APOB: variants seen among roughly 807,000 people sequenced by gnomAD.
APOB encodes apolipoprotein B.
In APOB, 153 loss-of-function variants were observed where a neutral mutation model predicts 314.1. That is an observed-to-expected ratio of 0.49 (90% CI 0.43 to 0.56). APOB has a LOEUF of 0.56. Ranked by LOEUF, APOB falls within the 20% of genes least tolerant of loss-of-function variation. APOB has a pLI of 0.00. For missense variants in APOB, 5,430 were observed against 5,350.7 expected (o/e 1.01, Z -0.46); for synonymous variants, 2,087 against 2,036.4 (o/e 1.02, Z -0.67).
At chr2:21,031,986 T>C (rs147163888) in intron 10 of APOB, among the ~76,000 whole-genome samples, 1 of 152,308 alleles carries the variant, frequency 6.6e-6, no homozygotes, top group East Asian at 1.9e-4. Flanking sequence ...TGTTTGCAAT[T>C]TACTTTGAAA....
chr2:21,006,646 C>T lies in APOB; in HGVS notation c.10222G>A (p.Gly3408Ser), dbSNP rs1483982340. ...AAGCTCACAGTACTGTTATGACTAC[C>T]CTCCACAAATTTGTTGCTCAGAGAC... Reference protein sequence around the residue: ...ALSLSNKFVEGSHNSTVSLTT... With the variant: ...ALSLSNKFVESSHNSTVSLTT... Residue 3408 changes from glycine (G) to serine (S), a missense_variant, in exon 26 of 29, where the codon GGT becomes AGT. By Grantham distance (56) the Gly-to-Ser change is moderately conservative. Around this residue, in one of 3 missense-constraint regions of APOB, gnomAD observed 3,281 missense variants for 3,171.0 expected, o/e 1.03. Coordinates refer to ENST00000233242, the MANE Select transcript of APOB (RefSeq NM_000384.3). 6 of 1,614,058 alleles carry T rather than the reference C, an allele frequency of 3.7e-6. No individual in the cohort carries two copies. Among genetic ancestry groups the T allele is most frequent in the South Asian group, 1.1e-5 (1 of 91,080 alleles).
chr2:21,038,330 T>G (rs968499900), intron 4 of APOB, among the ~76,000 whole-genome samples: 1 of 152,166 alleles, frequency 6.6e-6, no homozygotes, highest in Non-Finnish European at 1.5e-5. Flanking sequence ...TTTTTTCTTT[T>G]TTTCTTTTTT....
chr2:21,042,356 C>A lies in APOB; in HGVS notation c.237+5G>T. ...CTAGGTCCCTCCTGCCTGCATCCTC[C>A]ATACCTTGCAGTTGATCCTGGTGGC... On this transcript the variant is annotated splice_donor_5th_base_variant and intron_variant, in intron 3 of 28. Transcript: ENST00000233242. 1 of 1,610,026 alleles carries A rather than the reference C, an allele frequency of 6.2e-7. No homozygotes were observed. Among genetic ancestry groups the A allele is most frequent in the South Asian group, 1.1e-5 (1 of 90,990 alleles).
Position 21,002,144 on chromosome 2 carries a change from A to G in APOB, c.13278T>C (p.Ile4426=), listed in dbSNP as rs375466407. The G allele has an allele frequency of 7.4e-6, 12 of 1,613,864 alleles. No homozygotes were observed. The African/African-American group carries it at 1.6e-4, about 22-fold the overall frequency. ...GGGAAGTAAAGTTAGAGGCACTGAC[A>G]ATATATTCAGAATGGAAGTCCTTAA... ...VALKDFHSEY[I]VSASNFTSQL... is the part of the protein sequence containing the mutation. The change falls in exon 29 of 29, where the codon ATT becomes ATC. Residue 4426 remains isoleucine (I), a synonymous_variant. Coordinates refer to ENST00000233242, the MANE Select transcript of APOB (RefSeq NM_000384.3).
Position 21,009,793 on chromosome 2 carries a change from C to G in APOB, c.7075G>C (p.Asp2359His). 1 of 1,613,974 alleles carries G rather than the reference C, an allele frequency of 6.2e-7. No individual in the cohort carries two copies. The highest frequency in any genetic ancestry group is 1.1e-5 in the South Asian group (1 of 91,068). Residue 2359 changes from aspartate to histidine, a missense_variant, in exon 26 of 29, where the codon GAT (aspartate) becomes CAT (histidine). Physicochemically the swap from Asp to His is moderately conservative, Grantham distance 81. Around this residue, in one of 3 missense-constraint regions of APOB, gnomAD observed 3,281 missense variants for 3,171.0 expected, o/e 1.03. Transcript: ENST00000233242. Reference protein sequence around the residue: ...EVDQQIQVLMDKLVELAHQYK... With the variant: ...EVDQQIQVLMHKLVELAHQYK... ...TGGTGGGCCAACTCTACTAATTTAT[C>G]CATTAAAACCTGGATTTGTTGGTCT...
intron 3 of APOB, among the ~76,000 whole-genome samples, chr2:21,042,147 C>A (rs1207004839): frequency 3.9e-5 from 6 of 152,148 alleles, no homozygotes; most frequent in Admixed American, 6.5e-5. Context: ...TTCTGACTTG[C>A]GAAATTTGGT....
intron 16 of APOB, chr2:21,024,136 T>A (rs1470554770): frequency 2.6e-5 from 4 of 153,236 alleles, no homozygotes; most frequent in African/African-American, 7.2e-5. Context: ...TTTTATTTTT[T>A]AAATAATATT....
chr2:21,043,436 G>T, intron 2 of APOB, 77 bp downstream of exon 2: 1 of 1,505,862 alleles, frequency 6.6e-7, no homozygotes, highest in Non-Finnish European at 9.1e-7. Context: ...TGTAGAGTGG[G>T]AGGCCCTCAG....
chr2:21,025,239 T>C, intron 15 of APOB, 115 bp from the exon 16 acceptor site: 1 of 1,009,830 alleles, frequency 9.9e-7, no homozygotes, highest in Non-Finnish European at 1.5e-6. Flanking sequence ...ATGCTCCAGG[T>C]GAGGAACAGG....
Position 21,028,438 on chromosome 2 carries a change from T to C in APOB, c.1718A>G (p.Asp573Gly). ...TAGAATTTGGACAATTTTGTTAATA[T>C]CTGCCTGTGAAGGACTCCTCATCAA... ...LMLMRSPSQA[D>G]INKIVQILPW... The change falls in exon 13 of 29, where the codon GAT becomes GGT. Residue 573 changes from aspartate (D) to glycine (G), a missense_variant. Around this residue, in one of 3 missense-constraint regions of APOB, gnomAD observed 2,085 missense variants for 2,079.7 expected, o/e 1.00. Coordinates refer to ENST00000233242, the MANE Select transcript of APOB (RefSeq NM_000384.3). 1 of 1,614,112 alleles carries C rather than the reference T, an allele frequency of 6.2e-7. No individual in the cohort carries two copies.
intron 15 of APOB, among the ~76,000 whole-genome samples, chr2:21,026,469 C>T (rs548439011): frequency 3.9e-4 from 59 of 152,058 alleles, no homozygotes; most frequent in Non-Finnish European, 7.8e-4. Flanking sequence ...AGGCTGGTCT[C>T]AAATTCCTGA....
chr2:21,007,922 G>C lies in APOB; in HGVS notation c.8946C>G (p.Asn2982Lys), dbSNP rs775661185. The C allele has an allele frequency of 6.2e-7, 1 of 1,614,070 alleles. No homozygotes were observed. Among genetic ancestry groups the C allele is most frequent in the Non-Finnish European group, 8.5e-7 (1 of 1,179,954 alleles). ...QNLVYESGSL[N>K]FSKLEIQSQV... Reference sequence around the variant, plus strand: ...GTGATTGAATTTCAAGTTTAGAAAAGTTGAGGGAGCCAGATTCATAAACCA... The same window carrying C: ...GTGATTGAATTTCAAGTTTAGAAAACTTGAGGGAGCCAGATTCATAAACCA... Residue 2982 changes from asparagine to lysine, a missense_variant, in exon 26 of 29, where the codon AAC (asparagine) becomes AAG (lysine). Transcript: ENST00000233242.
chr2:21,033,256 T>TACCATC, intron 9 of APOB, 43 bp downstream of exon 9: 1 of 1,512,948 alleles, frequency 6.6e-7, no homozygotes, highest in Non-Finnish European at 9.2e-7. Flanking sequence ...TTCAGTCAGT[T>TACCATC]ACCATCAGTT....
Position 21,006,385 on chromosome 2 carries a change from A to C in APOB, c.10483T>G (p.Ser3495Ala). The C allele has an allele frequency of 6.2e-7, 1 of 1,614,060 alleles. No individual in the cohort carries two copies. The highest frequency in any genetic ancestry group is 8.5e-7 in the Non-Finnish European group (1 of 1,179,968). ...GAACCCTTGACATCTCCTTTGGTAG[A>C]TGACTCAATGGAAAAGTAAGAGGTG... ...SLTSYFSIES[S>A]TKGDVKGSVL... Residue 3495 changes from serine (S) to alanine (A), a missense_variant, in exon 26 of 29, where the codon TCT (serine) becomes GCT (alanine). By Grantham distance (99) the Ser-to-Ala change is moderately conservative (BLOSUM62 1). This residue lies in a region of APOB where 3,281 missense variants were observed against 3,171.0 expected (regional missense o/e 1.03). Transcript: ENST00000233242.
chr2:21,009,970 G>C lies in APOB; in HGVS notation c.6898C>G (p.Gln2300Glu), dbSNP rs1663260563. The C allele has an allele frequency of 1.2e-6, 2 of 1,613,708 alleles. No individual in the cohort carries two copies. Among genetic ancestry groups the C allele is most frequent in the Non-Finnish European group, 1.7e-6 (2 of 1,179,852 alleles). The stretch of plus-strand genomic sequence containing the variant: ...TCAAATGAAATTGTAGTTCCCAATT[G>C]ATCTAAAAGCACTCTAACATCAATA... The part of the protein sequence containing the change: ...EAIDVRVLLD[Q>E]LGTTISFERI... The change falls in exon 26 of 29, where the codon CAA (glutamine) becomes GAA (glutamate). Residue 2300 changes from glutamine to glutamate, a missense_variant. Transcript: ENST00000233242.
intron 21 of APOB, 24 bp from the exon 22 acceptor site, chr2:21,015,569 C>T (rs1202262360): frequency 6.2e-7 from 1 of 1,607,614 alleles, no homozygotes; most frequent in South Asian, 1.1e-5. Flanking sequence ...AATCAGTTGG[C>T]ACCAATGATT....
chr2:21,006,146 C>G lies in APOB; in HGVS notation c.10722G>C (p.Glu3574Asp). ...EHSTKNHLQL[E>D]GLFFTNGEHT... is the part of the protein sequence containing the mutation. ...GTTCTCCGTTGGTGAAAAAGAGGCC[C>G]TCTAGCTGTAAGTGGTTTTTCGTAC... The change falls in exon 26 of 29, where the codon GAG becomes GAC. Residue 3574 changes from glutamate to aspartate, a missense_variant. Transcript: ENST00000233242. 6.2e-7 allele frequency: 1 copy of G among 1,613,986 alleles called. No homozygotes were observed. The highest frequency in any genetic ancestry group is 8.5e-7 in the Non-Finnish European group (1 of 1,179,954).
Position 21,019,111 on chromosome 2 carries a change from A to G in APOB, c.3002T>C (p.Leu1001Ser). ...SYYPLTGDTR[L>S]ELELRPTGEI... ...TCCTGTAGGCCTCAGTTCCAGCTCTAATCTAAAGACATTACAATGAAGACA... is the reference window on the plus strand; with the variant it reads ...TCCTGTAGGCCTCAGTTCCAGCTCTGATCTAAAGACATTACAATGAAGACA... Residue 1001 changes from leucine (L) to serine (S), a missense_variant and splice_region_variant, in exon 20 of 29, where the codon TTA becomes TCA. Physicochemically the swap from Leu to Ser is moderately radical, Grantham distance 145. Around this residue, in one of 3 missense-constraint regions of APOB, gnomAD observed 2,085 missense variants for 2,079.7 expected, o/e 1.00. Transcript: ENST00000233242. The G allele has an allele frequency of 1.2e-6, 2 of 1,614,056 alleles. No individual in the cohort carries two copies. Among genetic ancestry groups the G allele is most frequent in the Non-Finnish European group, 1.7e-6 (2 of 1,179,998 alleles).
chr2:21,038,554 T>C (rs1186760096), intron 4 of APOB, among the ~76,000 whole-genome samples: 1 of 152,230 alleles, frequency 6.6e-6, no homozygotes, highest in East Asian at 1.9e-4. Flanking sequence ...CAGGCTGGTC[T>C]CAAACTCCTG....
Sources: gnomAD v4.1 joint callset for allele counts (sites outside exome capture counted in the v4.1 genomes callset) on GRCh38, gnomAD v4.1.1 for gene constraint, gnomAD v4.1.1 regional missense constraint, MANE v1.5 for transcripts, NCBI Gene and HGNC (gene_info 2026-07-23, HGNC 2026-07-21) for gene names.